Variants in PAFAH2 observed in about 807,000 individuals in gnomAD.
The protein encoded by PAFAH2 is platelet-activating factor acetylhydrolase 2, cytoplasmic.
In PAFAH2, 42 loss-of-function variants were observed where a neutral mutation model predicts 49.0. The ratio of observed to expected loss-of-function variants is 0.86; its 90% CI spans 0.67 to 1.11. PAFAH2 has a LOEUF of 1.11. PAFAH2 is among the 50% of genes least tolerant of loss of function. The pLI is 0.00. For synonymous variants in PAFAH2, 184 were observed against 181.3 expected, an observed-to-expected ratio of 1.01 and a Z score of -0.12; for missense variants, 503 against 501.8, an observed-to-expected ratio of 1.00 and a Z score of -0.02.
At chr1:25,973,716 G>A (rs1427944730) in intron 9 of PAFAH2, among the ~76,000 whole-genome samples, 5 of 152,208 alleles carry the variant, frequency 3.3e-5, no homozygotes, top group Non-Finnish European at 7.3e-5. Flanking sequence ...GAGGGCTCTG[G>A]ATTTGGCACT....
At chr1:25,984,625 A>G (rs2049751671) in intron 4 of PAFAH2, 97 bp from the exon 5 acceptor site, 8 of 921,350 alleles carry the variant, frequency 8.7e-6, no homozygotes, top group Non-Finnish European at 1.4e-5. Flanking sequence ...ATCTTGTGGA[A>G]TTACCACATC....
chr1:25,971,859 T>C (rs2049514250), intron 10 of PAFAH2, among the ~76,000 whole-genome samples: 1 of 152,186 alleles, frequency 6.6e-6, no homozygotes, highest in African/African-American at 2.4e-5. Context: ...GCTTTGTTTC[T>C]TTAAAACACT....
At chr1:25,972,093 ATTTG>A (rs764558356) in intron 10 of PAFAH2, among the ~76,000 whole-genome samples, 10 of 152,088 alleles carry the variant, frequency 6.6e-5, no homozygotes, top group Non-Finnish European at 1.2e-4. Flanking sequence ...TTTCTTATTT[ATTTG>A]TTTAATTATT....
intron 10 of PAFAH2, among the ~76,000 whole-genome samples, chr1:25,966,589 A>T (rs2049427277): frequency 1.3e-5 from 2 of 152,130 alleles, no homozygotes; most frequent in South Asian, 4.1e-4. Context: ...GGACATACAG[A>T]GTAGAAAAAT....
intron 8 of PAFAH2, among the ~76,000 whole-genome samples, chr1:25,975,972 C>T (rs1462751130): frequency 6.6e-6 from 1 of 152,146 alleles, no homozygotes; most frequent in African/African-American, 2.4e-5. Context: ...TTGCCTCCCC[C>T]TCACTCACTA....
rs533257655 is a variant in PAFAH2 at position 25,984,349 on chromosome 1, T to C, written c.410+111A>G. 31 of 855,728 alleles carry C rather than the reference T, an allele frequency of 3.6e-5. No individual in the cohort carries two copies. The South Asian group carries it at 4.9e-4, about 13-fold the overall frequency. The allele number at this position is 855,728 out of a possible 1,614,324, so 53.0% of individuals were successfully genotyped here. On this transcript the variant is annotated intron_variant, in intron 5 of 10. Coordinates refer to ENST00000374282, the MANE Select transcript of PAFAH2 (RefSeq NM_000437.4). ...GGTTTTCTCTCCTTTAAAAGTGGTATAATGCTGGCTTGCACGGTTGTCGAG... is the reference window on the plus strand; with the variant it reads ...GGTTTTCTCTCCTTTAAAAGTGGTACAATGCTGGCTTGCACGGTTGTCGAG...
At chr1:25,962,891 G>A (rs1329876604) in intron 10 of PAFAH2, among the ~76,000 whole-genome samples, 1 of 151,836 alleles carries the variant, frequency 6.6e-6, no homozygotes, top group African/African-American at 2.4e-5. Context: ...TAGGCAAAAA[G>A]CAGTATCTGA....
chr1:25,967,556 T>C (rs2124320184), intron 10 of PAFAH2, among the ~76,000 whole-genome samples: 1 of 152,244 alleles, frequency 6.6e-6, no homozygotes, highest in African/African-American at 2.4e-5. Context: ...CCATCAACTT[T>C]ATCAGAAGCT....
chr1:25,977,878 C>T (rs960200416), intron 7 of PAFAH2, among the ~76,000 whole-genome samples: 2 of 152,072 alleles, frequency 1.3e-5, no homozygotes, highest in African/African-American at 4.8e-5. Flanking sequence ...GCAAAGACTG[C>T]CAGTGCAGGT....
chr1:25,981,580 A>T (rs12092409), intron 7 of PAFAH2, among the ~76,000 whole-genome samples: 2,111 of 152,168 alleles, frequency 0.014, 40 homozygotes, highest in African/African-American at 0.048. Context: ...CAATCACCTG[A>T]CCCAGAAGTG....
chr1:25,965,887 A>C (rs536877589), intron 10 of PAFAH2, among the ~76,000 whole-genome samples: 17 of 139,918 alleles, frequency 1.2e-4, no homozygotes, highest in African/African-American at 2.7e-4. Flanking sequence ...AAAAAAAAAA[A>C]CACATAATCC....
chr1:25,984,635 C>T (rs921866277), intron 4 of PAFAH2, 107 bp from the exon 5 acceptor site: 1 of 819,828 alleles, frequency 1.2e-6, no homozygotes, highest in Non-Finnish European at 2.1e-6. Flanking sequence ...ATTACCACAT[C>T]AACCTTAACT....
intron 10 of PAFAH2, among the ~76,000 whole-genome samples, chr1:25,963,314 C>G (rs1048892694): frequency 6.6e-5 from 10 of 152,010 alleles, no homozygotes; most frequent in African/African-American, 2.4e-4. Flanking sequence ...TATCCACAAA[C>G]AAAACAGATG....
At position 25,984,460 on chromosome 1, in the gene PAFAH2, C is replaced by A; in HGVS notation, c.410G>T (p.Arg137Met). Residue 137 changes from arginine (R) to methionine (M), a missense_variant and splice_region_variant, in exon 5 of 11, where the codon AGG becomes ATG. Physicochemically the swap from Arg to Met is moderately conservative, Grantham distance 91. Transcript: ENST00000374282. ...CAATCCATGGCGGCTCATCCCTCAC[C>A]TGTGCTCTGGCACAGCAACCACAAA... ...RGFVVAVPEH[R>M]DRSAATTYFC... 6.2e-7 allele frequency: 1 copy of A among 1,612,536 alleles called. No homozygotes were observed. Among genetic ancestry groups the A allele is most frequent in the Non-Finnish European group, 8.5e-7 (1 of 1,178,826 alleles).
Position 25,984,845 on chromosome 1 carries a change from CTTTTTTTTTTTT to C in PAFAH2, c.342-329_342-318del, listed in dbSNP as rs34522205. 4.8e-5 allele frequency among the ~76,000 whole-genome samples: 5 copies of C among 104,274 alleles called. No homozygotes were observed. In the South Asian group the frequency reaches 1.3e-3, roughly 28 times the overall value. The allele number at this position is 104,274 out of a possible 152,430, so 68.4% of individuals were successfully genotyped here. A position where few individuals can be genotyped will look rare whatever the true frequency, so the allele number is the denominator to read the frequency against. On this transcript the variant is annotated intron_variant, in intron 4 of 10. Coordinates refer to ENST00000374282, the MANE Select transcript of PAFAH2 (RefSeq NM_000437.4). ...CTGGACTTCAGAGCCAGAGAGATTT[CTTTTTTTTTTTT>C]TTTTTTTTTGAGACAGAGTCTCGCT...
chr1:25,970,774 G>T (rs1218755792), intron 10 of PAFAH2, among the ~76,000 whole-genome samples: 1 of 151,892 alleles, frequency 6.6e-6, no homozygotes, highest in Non-Finnish European at 1.5e-5. Context: ...TTTTTGCTGA[G>T]ATGGGGTCTC....
At chr1:25,995,696 A>G (rs1415799084) in intron 1 of PAFAH2, among the ~76,000 whole-genome samples, 1 of 152,212 alleles carries the variant, frequency 6.6e-6, no homozygotes, top group Non-Finnish European at 1.5e-5. Context: ...CCCTGCATAT[A>G]GCTGGTCTCA....
At chr1:25,976,814 A>G in intron 7 of PAFAH2, 41 bp from the exon 8 acceptor site, 2 of 1,515,792 alleles carry the variant, frequency 1.3e-6, no homozygotes, top group South Asian at 1.1e-5. Flanking sequence ...GAAACTCAGG[A>G]CTGCTTCTTT....
At position 25,983,932 on chromosome 1, in the gene PAFAH2, T is replaced by C. The variant is rs1306700299; in HGVS notation, c.552+14A>G. On this transcript the variant is annotated intron_variant, in intron 6 of 10. Transcript: ENST00000374282. ...GGCTCATTAACTCTCCCTCCCCAACTGGCACAAACTTACCTGGGGATTCCG... is the reference window on the plus strand; with the variant it reads ...GGCTCATTAACTCTCCCTCCCCAACCGGCACAAACTTACCTGGGGATTCCG... The C allele has an allele frequency of 1.9e-6, 3 of 1,613,828 alleles. No homozygotes were observed. In the African/African-American group the frequency reaches 4.0e-5, roughly 22 times the overall value.
Sources: gnomAD v4.1 joint callset for allele counts (sites outside exome capture counted in the v4.1 genomes callset) on GRCh38, gnomAD v4.1.1 for gene constraint, MANE v1.5 for transcripts, NCBI Gene and HGNC (gene_info 2026-07-23, HGNC 2026-07-21) for gene names.